The following PCDHGA7 variants were observed in gnomAD, a reference collection of about 807,000 sequenced individuals.
PCDHGA7 encodes the protein protocadherin gamma-A7.
In PCDHGA7, 44 loss-of-function variants were observed where a neutral mutation model predicts 58.3. The ratio of observed to expected loss-of-function variants is 0.75; its 90% CI spans 0.59 to 0.97. The LOEUF (loss-of-function observed/expected upper bound fraction) is 0.97, where lower values mean the gene tolerates loss of function less well. Ranked by LOEUF, PCDHGA7 falls within the 50% of genes least tolerant of loss-of-function variation. The pLI is 0.00. For synonymous variants in PCDHGA7, 516 were observed against 504.2 expected, an observed-to-expected ratio of 1.02 and a Z score of -0.31; for missense variants, 1,266 against 1,188.7, an observed-to-expected ratio of 1.06 and a Z score of -0.96.
Position 141,382,882 on chromosome 5 carries a change from A to G in PCDHGA7, c.-18A>G. On this transcript the variant is annotated 5_prime_UTR_variant, in exon 1 of 4. Transcript: ENST00000518325. The stretch of plus-strand genomic sequence containing the variant: ...CACTTCCCGAGATCGGCGCCTAAGC[A>G]AGAGAAGCAGGACGACTATGGCGGC... 1 of 1,528,134 alleles carries G rather than the reference A, an allele frequency of 6.5e-7. No individual in the cohort carries two copies. Among genetic ancestry groups the G allele is most frequent in the Non-Finnish European group, 8.8e-7 (1 of 1,139,992 alleles). The allele number at this position is 1,528,134 out of a possible 1,614,324, so 94.7% of individuals were successfully genotyped here.
chr5:141,454,796 ATTTTTTTTTT>A (rs61612330), intron 1 of PCDHGA7, among the ~76,000 whole-genome samples: 11 of 77,458 alleles, frequency 1.4e-4, no homozygotes, highest in East Asian at 8.0e-4. Flanking sequence ...CATGGTTCTA[ATTTTTTTTTT>A]TTTTTTTTTT....
chr5:141,388,458 C>T, intron 1 of PCDHGA7: 1 of 1,613,696 alleles, frequency 6.2e-7, no homozygotes, highest in Non-Finnish European at 8.5e-7. Context: ...CAGTAAATAC[C>T]CTGAGATGGT....
At chr5:141,447,947 A>G (rs2098555998) in intron 1 of PCDHGA7, among the ~76,000 whole-genome samples, 1 of 151,958 alleles carries the variant, frequency 6.6e-6, no homozygotes, top group South Asian at 2.1e-4. Flanking sequence ...TTAGCTGGGC[A>G]TGGTGGCGGA....
intron 1 of PCDHGA7, chr5:141,423,492 C>T (rs2154550191): frequency 1.2e-6 from 2 of 1,613,972 alleles, no homozygotes; most frequent in East Asian, 4.5e-5. Context: ...AAACCTATTC[C>T]CACGAGGTCT....
intron 2 of PCDHGA7, among the ~76,000 whole-genome samples, chr5:141,502,296 G>A (rs758304596): frequency 7.9e-5 from 12 of 151,130 alleles, no homozygotes; most frequent in Non-Finnish European, 1.2e-4. Context: ...TGGTTGTCAC[G>A]TCTTTCCTCT....
At position 141,450,045 on chromosome 5, in the gene PCDHGA7, C is replaced by T. The variant is rs369046547; in HGVS notation, c.2425-44762C>T. On this transcript the variant is annotated intron_variant, in intron 1 of 3. Transcript: ENST00000518325. Reference sequence around the variant, plus strand: ...TTTTTGAGACAGGGTCTCACTCTTTCGCCCAGGCTGGAATGCAGTGGTATG... The same window carrying T: ...TTTTTGAGACAGGGTCTCACTCTTTTGCCCAGGCTGGAATGCAGTGGTATG... 4.6e-5 allele frequency among the ~76,000 whole-genome samples: 6 copies of T among 129,508 alleles called. No individual in the cohort carries two copies. In the South Asian group the frequency reaches 9.6e-4, roughly 21 times the overall value. 85.0% of individuals were successfully genotyped at this position (129,508 alleles called of 152,430 possible).
At chr5:141,456,819 C>A (rs1453433865) in intron 1 of PCDHGA7, among the ~76,000 whole-genome samples, 1 of 151,982 alleles carries the variant, frequency 6.6e-6, no homozygotes, top group Non-Finnish European at 1.5e-5. Flanking sequence ...AAAAAATTAG[C>A]CATCGTGGTA....
chr5:141,487,181 C>T lies in PCDHGA7; in HGVS notation c.2425-7626C>T. 3 of 1,612,732 alleles carry T rather than the reference C, an allele frequency of 1.9e-6. No individual in the cohort carries two copies. The highest frequency in any genetic ancestry group is 1.1e-5 in the South Asian group (1 of 91,060). ...CTTAGTGTCCTTAGAGGAAGACACT[C>T]ATCCAGTTGTCCCAGATCTTCGAGA... On this transcript the variant is annotated intron_variant, in intron 1 of 3. Transcript: ENST00000518325. This position sits in a 1 kb window ranked among gnomAD's most constrained non-coding sequence, Gnocchi z 5.0.
intron 1 of PCDHGA7, chr5:141,427,316 C>G: frequency 2.2e-6 from 1 of 457,002 alleles, no homozygotes; most frequent in Non-Finnish European, 4.4e-6. Context: ...ATGCCCCAGA[C>G]GTGGTTTTTA....
intron 1 of PCDHGA7, among the ~76,000 whole-genome samples, chr5:141,463,541 C>T (rs1423301726): frequency 2.7e-5 from 4 of 150,402 alleles, no homozygotes; most frequent in East Asian, 2.0e-4. Flanking sequence ...CTCCGGCTCC[C>T]GGGTTCATGC....
intron 1 of PCDHGA7, chr5:141,392,838 AGACGCGGC>A (rs1239948956): frequency 6.2e-7 from 1 of 1,608,522 alleles, no homozygotes; most frequent in South Asian, 1.1e-5. Context: ...GAGTCGCCCC[AGACGCGGC>A]GAGCTGATCC....
At position 141,485,443 on chromosome 5, in the gene PCDHGA7, C is replaced by A. The variant is rs2099613637; in HGVS notation, c.2425-9364C>A. 5 of 1,614,054 alleles carry A rather than the reference C, an allele frequency of 3.1e-6. No individual in the cohort carries two copies. The East Asian group carries it at 6.7e-5, about 22-fold the overall frequency. ...GAGCCCTGCTCATCAAGAACCCAAT[C>A]GACCGAGAGGCACTGTGTGGGCTCA... On this transcript the variant is annotated intron_variant, in intron 1 of 3. Coordinates refer to ENST00000518325, the MANE Select transcript of PCDHGA7 (RefSeq NM_018920.4). This position sits in a 1 kb window ranked among gnomAD's most constrained non-coding sequence, Gnocchi z 5.7.
intron 1 of PCDHGA7, chr5:141,412,932 T>A: frequency 2.2e-6 from 1 of 453,328 alleles, no homozygotes; most frequent in Non-Finnish European, 3.9e-6. Flanking sequence ...AGTAACTTCT[T>A]AGGACTCTGA....
intron 1 of PCDHGA7, chr5:141,418,007 C>T: frequency 6.2e-7 from 1 of 1,613,904 alleles, no homozygotes; most frequent in Non-Finnish European, 8.5e-7. Flanking sequence ...GGTGGGGAAC[C>T]TCGCTAAGGA....
At position 141,384,470 on chromosome 5, in the gene PCDHGA7, A is replaced by G; in HGVS notation, c.1571A>G (p.Gln524Arg). The G allele has an allele frequency of 6.2e-7, 1 of 1,614,120 alleles. No individual in the cohort carries two copies. Among genetic ancestry groups the G allele is most frequent in the South Asian group, 1.1e-5 (1 of 91,090 alleles). The change falls in exon 1 of 4, where the codon CAG becomes CGG. Residue 524 changes from glutamine (Q) to arginine (R), a missense_variant. Coordinates refer to ENST00000518325, the MANE Select transcript of PCDHGA7 (RefSeq NM_018920.4). ...LYALQSFDYE[Q>R]LRELQLRVTA... ...GCGCTGCAATCCTTTGATTATGAGCAGTTGAGAGAACTACAACTAAGAGTG... is the reference window on the plus strand; with the variant it reads ...GCGCTGCAATCCTTTGATTATGAGCGGTTGAGAGAACTACAACTAAGAGTG...
chr5:141,475,424 T>C (rs2099363271), intron 1 of PCDHGA7, among the ~76,000 whole-genome samples: 1 of 152,244 alleles, frequency 6.6e-6, no homozygotes, highest in African/African-American at 2.4e-5. Context: ...CTCCTGCTAA[T>C]TTGATAGTAG....
At chr5:141,422,959 C>G in intron 1 of PCDHGA7, 1 of 1,614,234 alleles carries the variant, frequency 6.2e-7, no homozygotes, top group Non-Finnish European at 8.5e-7. Flanking sequence ...TGGCGTGGAG[C>G]TGGCGCCCCG....
At chr5:141,426,480 C>T (rs1379758117) in intron 1 of PCDHGA7, 4 of 325,590 alleles carry the variant, frequency 1.2e-5, no homozygotes, top group Non-Finnish European at 1.8e-5. Flanking sequence ...TGACCTGAAA[C>T]CTTAGAGTTA....
intron 1 of PCDHGA7, chr5:141,393,405 C>T (rs777100284): frequency 1.2e-6 from 2 of 1,614,032 alleles, no homozygotes; most frequent in Non-Finnish European, 1.7e-6. Flanking sequence ...GGTGCTGGAG[C>T]GCGCCCTGGA....
Sources: gnomAD v4.1 joint callset for allele counts (sites outside exome capture counted in the v4.1 genomes callset) on GRCh38, gnomAD v4.1.1 for gene constraint, Gnocchi (gnomAD v3.1) non-coding constraint, MANE v1.5 for transcripts, NCBI Gene and HGNC (gene_info 2026-07-23, HGNC 2026-07-21) for gene names.